ATP9A: variants seen among roughly 807,000 people sequenced by gnomAD.
ATP9A encodes the protein ATPase phospholipid transporting 9A.
In ATP9A, 52 loss-of-function variants were observed where a neutral mutation model predicts 144.1. The observed-to-expected ratio is 0.36, with a 90% confidence interval of 0.29 to 0.45. The LOEUF (loss-of-function observed/expected upper bound fraction) is 0.45. Among genes scored for constraint, ATP9A ranks in the 20% least tolerant of loss-of-function variants. The pLI, the probability that ATP9A is intolerant of heterozygous loss-of-function variation, is 1.00. For synonymous variants in ATP9A, 582 were observed against 557.4 expected (o/e 1.04, Z -0.62); for missense variants, 947 against 1,392.7 (o/e 0.68, Z 5.09).
intron 2 of ATP9A, among the ~76,000 whole-genome samples, chr20:51,728,499 G>T (rs987477877): frequency 6.6e-6 from 1 of 151,972 alleles, no homozygotes; most frequent in African/African-American, 2.4e-5. Context: ...GTGGTGGCGG[G>T]TGCCTGTGAT....
intron 1 of ATP9A, among the ~76,000 whole-genome samples, chr20:51,744,467 C>T (rs2077799128): frequency 6.6e-6 from 1 of 152,122 alleles, no homozygotes; most frequent in Non-Finnish European, 1.5e-5. Context: ...CAGCCTAGAC[C>T]ATTTATATAA....
chr20:51,709,222 A>G (rs2077627288), intron 4 of ATP9A, among the ~76,000 whole-genome samples: 1 of 152,066 alleles, frequency 6.6e-6, no homozygotes. Flanking sequence ...AAAGTATTAA[A>G]AAGCAACTGT....
rs750867118 is a variant in ATP9A, at chr20:51,725,783, C to G, written c.327+36G>C. The G allele has an allele frequency of 7.8e-6, 11 of 1,407,400 alleles. No individual in the cohort carries two copies. In the African/African-American group the frequency reaches 1.1e-4, roughly 14 times the overall value. 87.2% of individuals were successfully genotyped at this position (1,407,400 alleles called of 1,614,324 possible). On this transcript the variant is annotated intron_variant, in intron 3 of 27. Coordinates refer to ENST00000338821, the MANE Select transcript of ATP9A (RefSeq NM_006045.3). ...CAAAGAACTTTCTGTTTCCAAACCT[C>G]TAAGGTTACTGAACAAACAATGCCG...
At chr20:51,709,387 C>T (rs1252081508) in intron 4 of ATP9A, among the ~76,000 whole-genome samples, 1 of 152,060 alleles carries the variant, frequency 6.6e-6, no homozygotes, top group Non-Finnish European at 1.5e-5. Flanking sequence ...TGGTGGTGCA[C>T]ACCTGTAATC....
intron 14 of ATP9A, among the ~76,000 whole-genome samples, chr20:51,655,963 T>C (rs1192318271): frequency 6.6e-6 from 1 of 152,138 alleles, no homozygotes; most frequent in Non-Finnish European, 1.5e-5. Context: ...GAATGAAGCA[T>C]TGATGAGTGA....
rs112053322 is a variant in ATP9A at position 51,676,410 on chromosome 20, C to A, written c.800-202G>T. Among the ~76,000 whole-genome samples, 345 of 151,572 alleles carry A rather than the reference C, an allele frequency of 2.3e-3. 2 individuals are homozygous for A. Among genetic ancestry groups the A allele is most frequent in the African/African-American group, 8.1e-3 (334 of 41,322 alleles). On this transcript the variant is annotated intron_variant, in intron 9 of 27. Coordinates refer to ENST00000338821, the MANE Select transcript of ATP9A (RefSeq NM_006045.3). ...CTGAAAGCTTCCCACCATGTTCAAG[C>A]GATTCTCCTGCCTTAGCCTCCTCAA...
intron 13 of ATP9A, among the ~76,000 whole-genome samples, chr20:51,659,002 T>C (rs146726970): frequency 0.01 from 1,553 of 150,222 alleles, 27 homozygotes; most frequent in African/African-American, 0.036. Context: ...CCGTTCCCTC[T>C]GCTCCAGCCA....
intron 18 of ATP9A, among the ~76,000 whole-genome samples, chr20:51,623,484 G>C (rs2077234783): frequency 6.6e-6 from 1 of 152,108 alleles, no homozygotes; most frequent in Admixed American, 6.6e-5. Context: ...GGCTGATTTA[G>C]AAAATATCCT....
intron 7 of ATP9A, 25 bp from the exon 8 acceptor site, chr20:51,690,844 G>C: frequency 6.2e-7 from 1 of 1,604,300 alleles, no homozygotes; most frequent in Non-Finnish European, 8.5e-7. Context: ...GCACATTCGG[G>C]AGTCAAAGTC....
intron 1 of ATP9A, among the ~76,000 whole-genome samples, chr20:51,759,810 A>T (rs2077871499): frequency 6.6e-6 from 1 of 152,170 alleles, no homozygotes; most frequent in Non-Finnish European, 1.5e-5. Flanking sequence ...ACTATATACA[A>T]TTGATCCTCA....
intron 4 of ATP9A, among the ~76,000 whole-genome samples, chr20:51,709,331 A>G (rs112802379): frequency 1.6e-3 from 238 of 152,260 alleles, no homozygotes; most frequent in Non-Finnish European, 2.6e-3. Flanking sequence ...CCTGGCTAAC[A>G]TGGTGAAACC....
chr20:51,659,865 T>C (rs1027934535), intron 13 of ATP9A, among the ~76,000 whole-genome samples: 1 of 152,246 alleles, frequency 6.6e-6, no homozygotes, highest in African/African-American at 2.4e-5. Context: ...TCTGCCTTCC[T>C]GCTCTGTTAA....
At chr20:51,750,575 C>T (rs145733425) in intron 1 of ATP9A, among the ~76,000 whole-genome samples, 12 of 152,308 alleles carry the variant, frequency 7.9e-5, no homozygotes, top group Non-Finnish European at 1.6e-4. Context: ...TGAGTGTGTG[C>T]CAAGCGCTGT....
chr20:51,649,864 G>T (rs1297608243), intron 14 of ATP9A, among the ~76,000 whole-genome samples: 2 of 146,194 alleles, frequency 1.4e-5, no homozygotes, highest in Admixed American at 1.4e-4. Context: ...AGTGAGCCAA[G>T]ATCGTACCAC....
chr20:51,716,091 T>TCTTG (rs1480828419), intron 3 of ATP9A, among the ~76,000 whole-genome samples: 1 of 152,130 alleles, frequency 6.6e-6, no homozygotes, highest in Non-Finnish European at 1.5e-5. Context: ...ATGTTCCATA[T>TCTTG]CTTGATTGAG....
intron 18 of ATP9A, among the ~76,000 whole-genome samples, chr20:51,622,624 C>G (rs930342065): frequency 6.6e-6 from 1 of 152,220 alleles, no homozygotes; most frequent in Non-Finnish European, 1.5e-5. Flanking sequence ...GGGTTTAACT[C>G]AGCTTATAAA....
intron 15 of ATP9A, among the ~76,000 whole-genome samples, chr20:51,638,607 A>T (rs2077305415): frequency 6.6e-6 from 1 of 152,130 alleles, no homozygotes; most frequent in Admixed American, 6.6e-5. Context: ...TCACACCCGT[A>T]ATTCCAGCAC....
intron 1 of ATP9A, among the ~76,000 whole-genome samples, chr20:51,733,837 C>T (rs1307624922): frequency 2.0e-5 from 3 of 152,048 alleles, no homozygotes; most frequent in African/African-American, 4.8e-5. Flanking sequence ...CCATGCCTGG[C>T]TAATTTTTTA....
intron 1 of ATP9A, among the ~76,000 whole-genome samples, chr20:51,742,872 G>C (rs2077791131): frequency 6.6e-6 from 1 of 152,194 alleles, no homozygotes; most frequent in Non-Finnish European, 1.5e-5. Flanking sequence ...AGTAGGCCCT[G>C]ACAGGGCTGT....
Sources: allele counts gnomAD v4.1 joint callset (sites outside exome capture counted in the v4.1 genomes callset), GRCh38; gene constraint gnomAD v4.1.1; transcripts MANE v1.5; gene names NCBI Gene and HGNC (gene_info 2026-07-23, HGNC 2026-07-21).